The following GRIK1 variants were observed in gnomAD, a reference collection of about 807,000 sequenced individuals.
GRIK1 encodes the protein glutamate receptor ionotropic, kainate 1.
Under a neutral mutation model 105.7 loss-of-function variants are expected in GRIK1, and 69 were observed. The ratio of observed to expected loss-of-function variants is 0.65; its 90% CI spans 0.54 to 0.80. The LOEUF (loss-of-function observed/expected upper bound fraction) is 0.80. Ranked by LOEUF, GRIK1 falls within the 30% of genes least tolerant of loss-of-function variation. The probability of loss-of-function intolerance (pLI) is 0.00; values close to 1 mark genes in which losing one functional copy is unlikely to be tolerated. For missense variants in GRIK1, 1,109 were observed against 1,167.3 expected, an observed-to-expected ratio of 0.95 and a Z score of 0.73; for synonymous variants, 438 against 431.3, an observed-to-expected ratio of 1.02 and a Z score of -0.19.
At chr21:29,678,704 C>T (rs148306434) in intron 3 of GRIK1, among the ~76,000 whole-genome samples, 10 of 152,188 alleles carry the variant, frequency 6.6e-5, no homozygotes, top group African/African-American at 1.7e-4. Context: ...AATGTTCCAT[C>T]GTTGGGTTAT....
intron 1 of GRIK1, among the ~76,000 whole-genome samples, chr21:29,931,065 T>C (rs1404894820): frequency 6.6e-6 from 1 of 152,208 alleles, no homozygotes; most frequent in African/African-American, 2.4e-5. Flanking sequence ...TCACATGTAC[T>C]CCACATCTTC....
chr21:29,851,245 G>A (rs2068295659), intron 1 of GRIK1, among the ~76,000 whole-genome samples: 3 of 152,032 alleles, frequency 2.0e-5, no homozygotes, highest in South Asian at 4.1e-4. Context: ...GGTAGAGTCA[G>A]GGTTTCACCA....
chr21:29,805,463 G>A (rs933145218), intron 1 of GRIK1, among the ~76,000 whole-genome samples: 3 of 152,102 alleles, frequency 2.0e-5, no homozygotes, highest in Non-Finnish European at 4.4e-5. Flanking sequence ...TCCTTTAGGG[G>A]TTAAGCTAAT....
At chr21:29,575,527 A>G (rs1601159939) in intron 14 of GRIK1, among the ~76,000 whole-genome samples, 1 of 151,986 alleles carries the variant, frequency 6.6e-6, no homozygotes, top group South Asian at 2.1e-4. Flanking sequence ...AGAAAGGAAA[A>G]GATTATTTAA....
chr21:29,939,691 C>A lies in GRIK1; in HGVS notation c.-191G>T. The A allele has an allele frequency of 2.0e-6, 1 of 510,408 alleles. No homozygotes were observed. Among genetic ancestry groups the A allele is most frequent in the Non-Finnish European group, 3.4e-6 (1 of 291,546 alleles). The allele number at this position is 510,408 out of a possible 1,614,324, so 31.6% of individuals were successfully genotyped here. On this transcript the variant is annotated 5_prime_UTR_variant, in exon 1 of 18. Coordinates refer to ENST00000327783, the MANE Select transcript of GRIK1 (RefSeq NM_001330994.2). ...GAGCTGGCTGGCAAGGCTGAGCTCT[C>A]TCGGGGCTCCTCAGTGCTGTCGCTA... is the stretch of plus-strand genomic sequence containing the variant.
chr21:29,840,955 T>C (rs1444202293), intron 1 of GRIK1, among the ~76,000 whole-genome samples: 1 of 152,138 alleles, frequency 6.6e-6, no homozygotes, highest in Non-Finnish European at 1.5e-5. Context: ...AGACATGGCT[T>C]AGCAACTGGA....
chr21:29,744,288 T>C (rs2064999052), intron 1 of GRIK1, among the ~76,000 whole-genome samples: 1 of 152,188 alleles, frequency 6.6e-6, no homozygotes, highest in East Asian at 1.9e-4. Context: ...CATCTAGAGA[T>C]GACAATTCTG....
intron 14 of GRIK1, among the ~76,000 whole-genome samples, chr21:29,573,903 T>C (rs904105518): frequency 4.0e-5 from 6 of 151,794 alleles, no homozygotes; most frequent in African/African-American, 1.4e-4. Flanking sequence ...GGACACTTTG[T>C]AAATCTGGGT....
chr21:29,813,457 A>G (rs996385713), intron 1 of GRIK1, among the ~76,000 whole-genome samples: 1 of 152,128 alleles, frequency 6.6e-6, no homozygotes, highest in Admixed American at 6.6e-5. Flanking sequence ...GGAAAATCCA[A>G]TCATTATCAC....
At chr21:29,604,976 C>A (rs2061584486) in intron 7 of GRIK1, among the ~76,000 whole-genome samples, 1 of 152,102 alleles carries the variant, frequency 6.6e-6, no homozygotes, top group Non-Finnish European at 1.5e-5. Flanking sequence ...TAACTCTGGG[C>A]TCTTATGATA....
chr21:29,737,803 T>A (rs764939146), intron 1 of GRIK1, among the ~76,000 whole-genome samples: 3 of 152,250 alleles, frequency 2.0e-5, no homozygotes, highest in Non-Finnish European at 4.4e-5. Context: ...TTAGCATTGA[T>A]GCAATGAACA....
intron 4 of GRIK1, among the ~76,000 whole-genome samples, chr21:29,660,045 T>C (rs961502066): frequency 2.0e-5 from 3 of 152,182 alleles, no homozygotes; most frequent in Admixed American, 2.0e-4. Flanking sequence ...AGGACAATTC[T>C]AAGGCCCTAC....
chr21:29,671,954 AC>A (rs1260964167), intron 4 of GRIK1, among the ~76,000 whole-genome samples: 1 of 150,620 alleles, frequency 6.6e-6, no homozygotes, highest in African/African-American at 2.4e-5. Flanking sequence ...TCCAAATATG[AC>A]CCCCCAAAAT....
chr21:29,858,950 ATTTTTTT>A (rs201141763), intron 1 of GRIK1, among the ~76,000 whole-genome samples: 1 of 147,670 alleles, frequency 6.8e-6, no homozygotes, highest in Non-Finnish European at 1.5e-5. Flanking sequence ...TAAATTCTAC[ATTTTTTT>A]TGTAGAATTT....
chr21:29,763,157 G>T lies in GRIK1; in HGVS notation c.119-69094C>A, dbSNP rs553208720. Among the ~76,000 whole-genome samples the T allele has an allele frequency of 2.0e-5, 3 of 152,284 alleles. 1 individual carries two copies. The highest frequency in any genetic ancestry group is 7.2e-5 in the African/African-American group (3 of 41,564). On this transcript the variant is annotated intron_variant, in intron 1 of 17. Transcript: ENST00000327783. ...GGTGGGAAGTGACTGGATCATGGGG[G>T]TGGTTCCCCCATGCTGTTCTCATGA...
chr21:29,673,070 C>T lies in GRIK1; in HGVS notation c.639G>A (p.Lys213=). The change falls in exon 4 of 18, where the codon AAG becomes AAA. Residue 213 remains lysine (K), a synonymous_variant. Coordinates refer to ENST00000327783, the MANE Select transcript of GRIK1 (RefSeq NM_001330994.2). ...RQLPSGNKDA[K]PLLKEMKKGK... ...CTTTCTTCATCTCCTTGAGTAAAGG[C>T]TTGGCATCTTTATTCCCAGAGGGCA... 6.2e-7 allele frequency: 1 copy of T among 1,611,438 alleles called. No individual in the cohort carries two copies. Among genetic ancestry groups the T allele is most frequent in the East Asian group, 2.2e-5 (1 of 44,854 alleles).
intron 1 of GRIK1, among the ~76,000 whole-genome samples, chr21:29,874,504 G>A (rs1052633883): frequency 2.0e-5 from 3 of 152,184 alleles, no homozygotes; most frequent in Non-Finnish European, 4.4e-5. Flanking sequence ...TGCGAACAAT[G>A]GAGAGAGGCT....
At chr21:29,888,245 C>G (rs1019204176) in intron 1 of GRIK1, among the ~76,000 whole-genome samples, 1 of 128,670 alleles carries the variant, frequency 7.8e-6, no homozygotes, top group African/African-American at 2.9e-5. Flanking sequence ...TTCCTTCCTT[C>G]CTTCTTTCTT....
intron 1 of GRIK1, among the ~76,000 whole-genome samples, chr21:29,936,633 A>G (rs1274092008): frequency 2.0e-5 from 3 of 152,190 alleles, no homozygotes; most frequent in Non-Finnish European, 4.4e-5. Context: ...CCACTATCCT[A>G]CCGACCTTCT....
Sources: allele counts gnomAD v4.1 joint callset (sites outside exome capture counted in the v4.1 genomes callset), GRCh38; gene constraint gnomAD v4.1.1; transcripts MANE v1.5; gene names NCBI Gene and HGNC (gene_info 2026-07-23, HGNC 2026-07-21).